The following LARP1 variants were observed in gnomAD, a reference collection of about 807,000 sequenced individuals.
LARP1 encodes the protein La ribonucleoprotein 1, translational regulator, also known as la-related protein 1.
Under a neutral mutation model 122.7 loss-of-function variants are expected in LARP1, and 36 were observed. The ratio of observed to expected loss-of-function variants is 0.29; its 90% CI spans 0.22 to 0.39. The LOEUF (loss-of-function observed/expected upper bound fraction) is 0.39. Among genes scored for constraint, LARP1 ranks in the 10% least tolerant of loss-of-function variants. The pLI is 1.00. For synonymous variants in LARP1, 539 were observed against 528.7 expected, an observed-to-expected ratio of 1.02 and a Z score of -0.27; for missense variants, 1,040 against 1,403.6, an observed-to-expected ratio of 0.74 and a Z score of 4.14.
intron 7 of LARP1, 71 bp downstream of exon 7, chr5:154,794,333 T>C: frequency 1.3e-6 from 2 of 1,496,352 alleles, no homozygotes. Context: ...GTGTCATAGC[T>C]GGGCAGGCCC....
intron 1 of LARP1, among the ~76,000 whole-genome samples, chr5:154,692,035 AC>A (rs1246431947): frequency 1.3e-5 from 2 of 151,566 alleles, no homozygotes; most frequent in East Asian, 3.9e-4. Context: ...CAGGCGATCC[AC>A]CCGCCTCCGC....
In LARP1 at chr5:154,816,930, C is replaced by T. The variant is rs1365706941; in HGVS notation, c.*2834C>T. The T allele has an allele frequency of 6.6e-6, 1 of 152,210 alleles. No homozygotes were observed. 9.4% of individuals were successfully genotyped at this position (152,210 alleles called of 1,614,324 possible). A position where few individuals can be genotyped will look rare whatever the true frequency, so the allele number is the denominator to read the frequency against. On this transcript the variant is annotated 3_prime_UTR_variant, in exon 19 of 19. Transcript: ENST00000518297. ...GTAGAGAAGGGCCATCCAGCCGTGC[C>T]CCAGCCTGGACCCCTGGGGCTCAGA...
At chr5:154,721,486 T>A (rs1233488937) in intron 1 of LARP1, among the ~76,000 whole-genome samples, 1 of 152,180 alleles carries the variant, frequency 6.6e-6, no homozygotes, top group Admixed American at 6.6e-5. Flanking sequence ...GGTCCTACGT[T>A]ACCGTTACCA....
intron 1 of LARP1, among the ~76,000 whole-genome samples, chr5:154,713,438 G>A (rs895539094): frequency 3.3e-5 from 5 of 152,150 alleles, no homozygotes; most frequent in Admixed American, 2.0e-4. Flanking sequence ...TGTGAATTGT[G>A]GCCCTGTAAT....
intron 1 of LARP1, among the ~76,000 whole-genome samples, chr5:154,732,020 GAA>G (rs34082968): frequency 2.8e-4 from 38 of 135,048 alleles, no homozygotes; most frequent in South Asian, 7.3e-4. Flanking sequence ...GACTCCGTCT[GAA>G]AAAAAAAAAA....
chr5:154,793,580 C>G lies in LARP1; in HGVS notation c.740-15C>G. 1.2e-6 allele frequency: 2 copies of G among 1,614,144 alleles called. No individual in the cohort carries two copies. Among genetic ancestry groups the G allele is most frequent in the Non-Finnish European group, 1.7e-6 (2 of 1,180,012 alleles). ...CTCCCTCAAGCCTTTCTCATGTACCCATGCTGTCTCCCAGGAAACAAACAC... is the reference window on the plus strand; with the variant it reads ...CTCCCTCAAGCCTTTCTCATGTACCGATGCTGTCTCCCAGGAAACAAACAC... On this transcript the variant is annotated splice_polypyrimidine_tract_variant and intron_variant, in intron 4 of 18. Coordinates refer to ENST00000518297, the MANE Select transcript of LARP1 (RefSeq NM_033551.3).
chr5:154,694,119 AC>A (rs1352605705), intron 1 of LARP1, among the ~76,000 whole-genome samples: 1 of 152,198 alleles, frequency 6.6e-6, no homozygotes, highest in African/African-American at 2.4e-5. Context: ...TGTTGTAAAA[AC>A]AAAAAAAAGT....
chr5:154,728,813 G>A (rs1756383375), intron 1 of LARP1, among the ~76,000 whole-genome samples: 1 of 152,196 alleles, frequency 6.6e-6, no homozygotes, highest in African/African-American at 2.4e-5. Flanking sequence ...AACACCCAAG[G>A]AAGAGCTCGT....
At chr5:154,795,427 CTG>C in intron 8 of LARP1, 108 bp downstream of exon 8, 1 of 1,100,870 alleles carries the variant, frequency 9.1e-7, no homozygotes, top group Non-Finnish European at 1.3e-6. Flanking sequence ...CTGATGACTT[CTG>C]CTGAAGTCTC....
intron 1 of LARP1, among the ~76,000 whole-genome samples, chr5:154,707,251 AT>A (rs1173517646): frequency 5.9e-5 from 9 of 152,298 alleles, no homozygotes; most frequent in South Asian, 2.1e-4. Context: ...CTAAAAAAAA[AT>A]GTTTTAATGT....
At chr5:154,796,017 ATATTATATATAT>A (rs1456579456) in intron 8 of LARP1, among the ~76,000 whole-genome samples, 77 of 101,066 alleles carry the variant, frequency 7.6e-4, no homozygotes, top group African/African-American at 2.9e-3. Flanking sequence ...ATATATTTAT[ATATTATATATAT>A]TTTTATATAT....
intron 1 of LARP1, among the ~76,000 whole-genome samples, chr5:154,768,607 A>T (rs1008707606): frequency 4.6e-5 from 7 of 152,138 alleles, no homozygotes; most frequent in African/African-American, 1.4e-4. Context: ...TTTGAGACGA[A>T]GTCTCACTCT....
In LARP1 at chr5:154,755,435, A is replaced by T; in HGVS notation, c.-323A>T. 1 of 433,752 alleles carries T rather than the reference A, an allele frequency of 2.3e-6. No homozygotes were observed. 26.9% of individuals were successfully genotyped at this position (433,752 alleles called of 1,614,324 possible). A position where few individuals can be genotyped will look rare whatever the true frequency, so the allele number is the denominator to read the frequency against. On this transcript the variant is annotated 5_prime_UTR_variant, in exon 1 of 19. Transcript: ENST00000518297. ...CCGGGCCGCCCCGGGGGCGGGGGGG[A>T]GGGAGGGACGGGACTAGAAGCCTGC...
intron 10 of LARP1, among the ~76,000 whole-genome samples, 173 bp from the exon 11 acceptor site, chr5:154,801,834 C>G (rs1178456893): frequency 6.6e-6 from 1 of 152,210 alleles, no homozygotes; most frequent in Non-Finnish European, 1.5e-5. Flanking sequence ...CATCCTTTCT[C>G]ATAGTCATAA....
At chr5:154,756,921 GTGAGGGGCCTGCGGCGACT>G (rs1389121066) in intron 1 of LARP1, among the ~76,000 whole-genome samples, 6 of 151,684 alleles carry the variant, frequency 4.0e-5, no homozygotes, top group African/African-American at 1.4e-4. Context: ...TGTGAGGCGG[GTGAGGGGCCTGCGGCGACT>G]TGAGGGGCGT....
intron 1 of LARP1, among the ~76,000 whole-genome samples, chr5:154,762,989 T>G (rs1422494692): frequency 6.6e-6 from 1 of 151,986 alleles, no homozygotes; most frequent in Non-Finnish European, 1.5e-5. Flanking sequence ...ACTGGAATAG[T>G]CACCATTTAC....
At chr5:154,687,686 TTA>T (rs1387211826) in intron 1 of LARP1, among the ~76,000 whole-genome samples, 1 of 152,010 alleles carries the variant, frequency 6.6e-6, no homozygotes, top group Non-Finnish European at 1.5e-5. Context: ...CGGCCTGTAT[TTA>T]TATATAAGTT....
chr5:154,712,867 G>A (rs1467328642), exon 1 of LARP1: 5 of 1,482,238 alleles, frequency 3.4e-6, no homozygotes, highest in African/African-American at 1.4e-5. Context: ...GCAGCTGTGC[G>A]ATCTGGATGT....
chr5:154,708,818 C>T (rs1476989824), upstream of LARP1, among the ~76,000 whole-genome samples: 3 of 152,136 alleles, frequency 2.0e-5, no homozygotes, highest in African/African-American at 7.2e-5. Context: ...CCCATGTTGG[C>T]CAGGCTGGTC....
Sources: allele counts gnomAD v4.1 joint callset (sites outside exome capture counted in the v4.1 genomes callset), GRCh38; gene constraint gnomAD v4.1.1; transcripts MANE v1.5; gene names NCBI Gene and HGNC (gene_info 2026-07-23, HGNC 2026-07-21).